Variants in PPAT observed in about 807,000 individuals in gnomAD.
The protein encoded by PPAT is amidophosphoribosyltransferase.
In PPAT, 20 loss-of-function variants were observed where a neutral mutation model predicts 60.2. The observed-to-expected ratio is 0.33, with a 90% CI of 0.23 to 0.48. The LOEUF is 0.48. Ranked by LOEUF, PPAT falls within the 20% of genes least tolerant of loss-of-function variation. The pLI is 0.99. For missense variants in PPAT, 349 were observed against 629.6 expected (o/e 0.55, Z 4.77); for synonymous variants, 194 against 215.1 (o/e 0.90, Z 0.86).
rs940374201 is a variant in PPAT at position 56,401,057 on chromosome 4, C to T, written c.887-146G>A. 13 of 911,966 alleles carry T rather than the reference C, an allele frequency of 1.4e-5. No homozygotes were observed. The African/African-American group carries it at 2.2e-4, about 16-fold the overall frequency. 56.5% of individuals were successfully genotyped at this position (911,966 alleles called of 1,614,324 possible). On this transcript the variant is annotated intron_variant, in intron 7 of 10. Transcript: ENST00000264220. ...AAATATGAATGTGAAAATACACAAA[C>T]TGGGGAACTCAACTGTGTGGTTTTA...
At chr4:56,410,997 C>A in intron 1 of PPAT, 1 of 818,768 alleles carries the variant, frequency 1.2e-6, no homozygotes, top group Non-Finnish European at 1.5e-6. Context: ...CTTCTGTGGC[C>A]ATATGATAAA....
rs1330460241 is a variant in PPAT at position 56,403,284 on chromosome 4, C to A, written c.515+5G>T. On this transcript the variant is annotated splice_donor_5th_base_variant and intron_variant, in intron 4 of 10. Transcript: ENST00000264220. Reference sequence around the variant, plus strand: ...GCTCTAAGTTTAGTCCAGTTCTCTGCTTACCTGGCTACCCAGTCTGGGGTG... The same window carrying A: ...GCTCTAAGTTTAGTCCAGTTCTCTGATTACCTGGCTACCCAGTCTGGGGTG... 1 of 1,609,480 alleles carries A rather than the reference C, an allele frequency of 6.2e-7. No individual in the cohort carries two copies. Among genetic ancestry groups the A allele is most frequent in the Non-Finnish European group, 8.5e-7 (1 of 1,175,820 alleles).
intron 1 of PPAT, among the ~76,000 whole-genome samples, chr4:56,429,512 T>G (rs759840468): frequency 6.6e-6 from 1 of 152,140 alleles, no homozygotes; most frequent in African/African-American, 2.4e-5. Flanking sequence ...CAATATAGCA[T>G]GTAGAAGAAA....
chr4:56,402,848 A>AAG lies in PPAT; in HGVS notation c.661+191_661+192insCT, dbSNP rs1560638308. ...AAAAAAAAAAAAAAAAAAAAAAAAA[A>AAG]GGGGGGGGACTCATCCTCAGGAGTA... On this transcript the variant is annotated intron_variant, in intron 5 of 10. Transcript: ENST00000264220. 8.5e-4 allele frequency among the ~76,000 whole-genome samples: 65 copies of AAG among 76,114 alleles called. No individual in the cohort carries two copies. The East Asian group carries it at 8.8e-3, about 10-fold the overall frequency. The allele number at this position is 76,114 out of a possible 152,430, so 49.9% of individuals were successfully genotyped here.
intron 1 of PPAT, among the ~76,000 whole-genome samples, chr4:56,433,495 T>TAAA (rs542379951): frequency 1.8e-4 from 23 of 129,538 alleles, no homozygotes; most frequent in African/African-American, 6.0e-4. Flanking sequence ...ACATGTAAGT[T>TAAA]AAAAAAAAAA....
At chr4:56,405,241 T>C (rs1441850011) in intron 3 of PPAT, among the ~76,000 whole-genome samples, 3 of 152,246 alleles carry the variant, frequency 2.0e-5, no homozygotes, top group East Asian at 3.8e-4. Context: ...TCTAGTTTCC[T>C]GTCATTGTTT....
intron 1 of PPAT, among the ~76,000 whole-genome samples, chr4:56,426,255 G>A (rs923187075): frequency 6.6e-6 from 1 of 152,048 alleles, no homozygotes; most frequent in African/African-American, 2.4e-5. Flanking sequence ...ACAAAAATTA[G>A]CTGGGCGTGG....
chr4:56,431,457 A>C lies in PPAT; in HGVS notation c.128+3893T>G, dbSNP rs537879443. 115 of 976,850 alleles carry C rather than the reference A, an allele frequency of 1.2e-4. 1 individual carries two copies. The highest frequency in any genetic ancestry group is 5.2e-4 in the Middle Eastern group (1 of 1,928). 60.5% of individuals were successfully genotyped at this position (976,850 alleles called of 1,614,324 possible). A position where few individuals can be genotyped will look rare whatever the true frequency, so the allele number is the denominator to read the frequency against. Reference sequence around the variant, plus strand: ...AAATCTCTTAAGAAAAGTGCTCCTGAGATCATTACAAATCAGTTTCCTCAA... The same window carrying C: ...AAATCTCTTAAGAAAAGTGCTCCTGCGATCATTACAAATCAGTTTCCTCAA... On this transcript the variant is annotated intron_variant, in intron 1 of 10. Coordinates refer to ENST00000264220, the MANE Select transcript of PPAT (RefSeq NM_002703.5).
At position 56,394,249 on chromosome 4, in the gene PPAT, G is replaced by T. The variant is rs1485229249; in HGVS notation, c.*1103C>A. On this transcript the variant is annotated 3_prime_UTR_variant, in exon 11 of 11. Transcript: ENST00000264220. ...ATAAGATGATACTTGGACTTGGATT[G>T]TAAGTTGATACTAATTCCCCAAAGT... 1.3e-5 allele frequency: 2 copies of T among 152,144 alleles called. No individual in the cohort carries two copies. The highest frequency in any genetic ancestry group is 6.5e-5 in the Admixed American group (1 of 15,292). 9.4% of individuals were successfully genotyped at this position (152,144 alleles called of 1,614,324 possible).
intron 1 of PPAT, chr4:56,420,623 G>T (rs1163418029): frequency 2.6e-5 from 4 of 152,092 alleles, no homozygotes; most frequent in South Asian, 2.1e-4. Context: ...GTTTAAAATA[G>T]ATCAATTTTA....
intron 1 of PPAT, among the ~76,000 whole-genome samples, chr4:56,413,164 T>C (rs1716551985): frequency 6.6e-6 from 1 of 152,118 alleles, no homozygotes; most frequent in African/African-American, 2.4e-5. Context: ...TTTGGTTTTG[T>C]TTTGTTTTGT....
intron 3 of PPAT, among the ~76,000 whole-genome samples, chr4:56,406,098 A>T (rs1716233888): frequency 6.6e-6 from 1 of 152,230 alleles, no homozygotes; most frequent in Non-Finnish European, 1.5e-5. Context: ...ATTTGGTGAC[A>T]GAAGTGTGCT....
In PPAT at chr4:56,396,545, T is replaced by A. The variant is rs1715970942; in HGVS notation, c.1357+74A>T. The A allele has an allele frequency of 3.6e-6, 5 of 1,379,684 alleles. No homozygotes were observed. The highest frequency in any genetic ancestry group is 5.0e-6 in the Non-Finnish European group (5 of 996,602). The allele number at this position is 1,379,684 out of a possible 1,614,324, so 85.5% of individuals were successfully genotyped here. A position where few individuals can be genotyped will look rare whatever the true frequency, so the allele number is the denominator to read the frequency against. Reference sequence around the variant, plus strand: ...ACAAACACTGAATACTCCTTTTTACTAAAGGTGTAAAGACTGTCAAGCTTT... The same window carrying A: ...ACAAACACTGAATACTCCTTTTTACAAAAGGTGTAAAGACTGTCAAGCTTT... On this transcript the variant is annotated intron_variant, in intron 10 of 10. Transcript: ENST00000264220. The surrounding 1 kb of genome is among the most constrained non-coding windows in gnomAD (Gnocchi z 4.6).
rs1715930014 is a variant in PPAT, at chr4:56,395,009, G to A, written c.*343C>T. On this transcript the variant is annotated 3_prime_UTR_variant, in exon 11 of 11. Coordinates refer to ENST00000264220, the MANE Select transcript of PPAT (RefSeq NM_002703.5). ...ATGGTATATTTAACTCACCTGTCTT[G>A]TTGGCATCACCTCTCCTTAACCCTA... 4.4e-6 allele frequency: 1 copy of A among 227,984 alleles called. No individual in the cohort carries two copies. The highest frequency in any genetic ancestry group is 8.4e-6 in the Non-Finnish European group (1 of 119,106). The allele number at this position is 227,984 out of a possible 1,614,324, so 14.1% of individuals were successfully genotyped here.
At chr4:56,432,124 T>C (rs745960103) in intron 1 of PPAT, among the ~76,000 whole-genome samples, 6 of 152,208 alleles carry the variant, frequency 3.9e-5, no homozygotes, top group Non-Finnish European at 8.8e-5. Context: ...CCAGGTATTC[T>C]GTTAACCCCA....
At chr4:56,405,934 G>A (rs1189454725) in intron 3 of PPAT, among the ~76,000 whole-genome samples, 3 of 152,310 alleles carry the variant, frequency 2.0e-5, no homozygotes, top group African/African-American at 7.2e-5. Flanking sequence ...TCTGAAGTGC[G>A]GGACAATCTT....
chr4:56,409,738 G>T (rs149249566), intron 1 of PPAT, among the ~76,000 whole-genome samples: 1 of 152,138 alleles, frequency 6.6e-6, no homozygotes. Flanking sequence ...TTGTTCCAAA[G>T]AATATATATC....
intron 1 of PPAT, chr4:56,407,954 C>A: frequency 2.3e-6 from 1 of 441,104 alleles, no homozygotes; most frequent in Non-Finnish European, 4.1e-6. Flanking sequence ...GCCAGGCAGT[C>A]TGTCCTAGCA....
chr4:56,395,777 G>A (rs1715954982), intron 10 of PPAT, among the ~76,000 whole-genome samples: 1 of 151,904 alleles, frequency 6.6e-6, no homozygotes, highest in Non-Finnish European at 1.5e-5. Context: ...CAGCAGAGGA[G>A]GCTTCAAGTC....
Sources: gnomAD v4.1 joint callset for allele counts (sites outside exome capture counted in the v4.1 genomes callset) on GRCh38, gnomAD v4.1.1 for gene constraint, Gnocchi (gnomAD v3.1) non-coding constraint, MANE v1.5 for transcripts, NCBI Gene and HGNC (gene_info 2026-07-23, HGNC 2026-07-21) for gene names.